SH3YL1: variants seen among roughly 807,000 people sequenced by gnomAD.
SH3YL1 encodes SH3 domain-containing YSC84-like protein 1.
SH3YL1 carries 41 observed loss-of-function variants against 45.8 expected under a neutral mutation model. The ratio of observed to expected loss-of-function variants is 0.89; its 90% CI spans 0.70 to 1.16. The LOEUF is 1.16. Among genes scored for constraint, SH3YL1 ranks in the 50% most tolerant of loss-of-function variants. The pLI, the probability that SH3YL1 is intolerant of heterozygous loss-of-function variation, is 0.00. For synonymous variants in SH3YL1, 152 were observed against 151.4 expected (o/e 1.00, Z -0.03); for missense variants, 389 against 409.6 (o/e 0.95, Z 0.43).
intron 8 of SH3YL1, among the ~76,000 whole-genome samples, chr2:228,867 G>A (rs1260724244): frequency 6.6e-6 from 1 of 152,180 alleles, no homozygotes; most frequent in Non-Finnish European, 1.5e-5. Flanking sequence ...AATGATTACA[G>A]AAAATTAAGG....
At chr2:241,324 A>C (rs571254860) in intron 4 of SH3YL1, 1 of 152,294 alleles carries the variant, frequency 6.6e-6, no homozygotes, top group South Asian at 2.1e-4. Flanking sequence ...CAAAATAAAG[A>C]ACTGGTAAAT....
chr2:233,063 T>C (rs1363101763), intron 6 of SH3YL1, 38 bp downstream of exon 6: 2 of 1,510,252 alleles, frequency 1.3e-6, no homozygotes, highest in African/African-American at 1.4e-5. Flanking sequence ...TATTTTCTCA[T>C]CACACTTTCA....
chr2:245,245 TAAG>T, intron 4 of SH3YL1, among the ~76,000 whole-genome samples: 1 of 152,310 alleles, frequency 6.6e-6, no homozygotes, highest in South Asian at 2.1e-4. Flanking sequence ...AGATCATGGT[TAAG>T]AAGTTTAAAA....
intron 8 of SH3YL1, among the ~76,000 whole-genome samples, chr2:228,626 A>G (rs922062697): frequency 3.3e-5 from 5 of 152,236 alleles, no homozygotes; most frequent in African/African-American, 1.2e-4. Flanking sequence ...CAGTGCTCAT[A>G]TCTCATTAGT....
intron 8 of SH3YL1, among the ~76,000 whole-genome samples, chr2:225,182 T>A (rs1465272492): frequency 6.6e-6 from 1 of 152,238 alleles, no homozygotes; most frequent in Admixed American, 6.5e-5. Context: ...TAAATTCAGA[T>A]GACAATTCTA....
Position 247,303 on chromosome 2 carries a change from A to T in SH3YL1, c.291+235T>A, listed in dbSNP as rs142404518. On this transcript the variant is annotated intron_variant, in intron 4 of 9. Transcript: ENST00000356150. ...TGTTATACAAATGTGCATGAGACAG[A>T]AGCAGATAAAATGGCGAATGAAAGA... 6.4e-3 allele frequency among the ~76,000 whole-genome samples: 974 copies of T among 152,336 alleles called. 13 individuals carry two copies. Among genetic ancestry groups the T allele is most frequent in the African/African-American group, 0.022 (914 of 41,576 alleles).
intron 1 of SH3YL1, 126 bp downstream of exon 1, chr2:263,858 G>T: frequency 1.3e-6 from 1 of 785,520 alleles, no homozygotes; most frequent in Non-Finnish European, 2.1e-6. Flanking sequence ...GGCGGTTTGC[G>T]GTTAACAGAC....
rs562082187 is a variant in SH3YL1 at position 250,806 on chromosome 2, T to C, written c.113-962A>G. 3.3e-5 allele frequency among the ~76,000 whole-genome samples: 5 copies of C among 152,298 alleles called. No individual in the cohort carries two copies. In the South Asian group the frequency reaches 6.2e-4, roughly 19 times the overall value. On this transcript the variant is annotated intron_variant, in intron 2 of 9. Coordinates refer to ENST00000356150, the MANE Select transcript of SH3YL1 (RefSeq NM_015677.4). ...CTTGGAAATAATTCATCCAACACCA[T>C]GAAGTTTGCATGCAGAACATTTGTG...
At chr2:262,089 A>C (rs1182605439) in intron 1 of SH3YL1, 4 of 154,142 alleles carry the variant, frequency 2.6e-5, no homozygotes, top group Admixed American at 1.3e-4. Flanking sequence ...GTATGTATCT[A>C]ATCTTTAGAG....
upstream of SH3YL1, chr2:264,449 G>C (rs1173937316): frequency 2.7e-5 from 5 of 183,828 alleles, no homozygotes; most frequent in African/African-American, 4.7e-5. Context: ...CCGCGGAGCC[G>C]CGAGGCCTGA....
intron 9 of SH3YL1, among the ~76,000 whole-genome samples, chr2:219,750 G>T (rs1667496293): frequency 6.6e-6 from 1 of 152,100 alleles, no homozygotes; most frequent in Admixed American, 6.5e-5. Context: ...TACTCACTGG[G>T]CTTGAAGATT....
chr2:240,747 T>C (rs1450341493), intron 4 of SH3YL1: 1 of 152,204 alleles, frequency 6.6e-6, no homozygotes. Flanking sequence ...ACAAACAGCT[T>C]AACAGACAGG....
upstream of SH3YL1, chr2:264,819 T>C (rs1182629895): frequency 3.8e-5 from 35 of 920,348 alleles, no homozygotes; most frequent in Non-Finnish European, 5.4e-5. Flanking sequence ...CTGGAGCCGA[T>C]TGCGCAGGCG....
At chr2:243,321 C>T (rs552882687) in intron 4 of SH3YL1, among the ~76,000 whole-genome samples, 1 of 152,218 alleles carries the variant, frequency 6.6e-6, no homozygotes, top group Admixed American at 6.5e-5. Context: ...TGAAATTATA[C>T]AAAATGTTTT....
chr2:255,184 A>T (rs1437533117), intron 1 of SH3YL1, among the ~76,000 whole-genome samples: 1 of 152,244 alleles, frequency 6.6e-6, no homozygotes, highest in Non-Finnish European at 1.5e-5. Flanking sequence ...CTCATGGTTT[A>T]TTCTTTCGAC....
intron 8 of SH3YL1, among the ~76,000 whole-genome samples, chr2:227,293 A>C (rs1242629612): frequency 6.6e-6 from 1 of 152,142 alleles, no homozygotes; most frequent in Non-Finnish European, 1.5e-5. Flanking sequence ...ATATTATTTG[A>C]CCTATTATGT....
chr2:261,625 C>T (rs776181206), intron 1 of SH3YL1, among the ~76,000 whole-genome samples: 7 of 152,110 alleles, frequency 4.6e-5, no homozygotes, highest in Non-Finnish European at 8.8e-5. Flanking sequence ...AGGTATTGAT[C>T]GCAGTTCTAT....
chr2:242,548 A>G (rs1359367230), intron 4 of SH3YL1, among the ~76,000 whole-genome samples: 1 of 152,180 alleles, frequency 6.6e-6, no homozygotes, highest in Non-Finnish European at 1.5e-5. Flanking sequence ...TCAAAATGCC[A>G]TAGTACAAAA....
At chr2:259,037 G>A (rs1369403136) in intron 1 of SH3YL1, among the ~76,000 whole-genome samples, 4 of 152,146 alleles carry the variant, frequency 2.6e-5, no homozygotes, top group African/African-American at 4.8e-5. Context: ...TGGGCTCTGG[G>A]TGCCCCCTCC....
Sources: gnomAD v4.1 joint callset for allele counts (sites outside exome capture counted in the v4.1 genomes callset) on GRCh38, gnomAD v4.1.1 for gene constraint, MANE v1.5 for transcripts, NCBI Gene and HGNC (gene_info 2026-07-23, HGNC 2026-07-21) for gene names.